Variants in PRKG1 observed in about 807,000 individuals in gnomAD.
The protein encoded by PRKG1 is protein kinase cGMP-dependent 1.
In PRKG1, 35 loss-of-function variants were observed where a neutral mutation model predicts 88.1. That is an observed-to-expected ratio of 0.40 (90% CI 0.30 to 0.53). The LOEUF is 0.53. Ranked by LOEUF, PRKG1 falls within the 20% of genes least tolerant of loss-of-function variation. The pLI, the probability that PRKG1 is intolerant of heterozygous loss-of-function variation, is 0.59. For missense variants in PRKG1, 540 were observed against 839.8 expected (o/e 0.64, Z 4.41); for synonymous variants, 303 against 292.5 (o/e 1.04, Z -0.37).
intron 5 of PRKG1, among the ~76,000 whole-genome samples, chr10:52,038,696 G>A (rs550606613): frequency 2.2e-4 from 33 of 152,206 alleles, no homozygotes; most frequent in African/African-American, 3.4e-4. Context: ...CAAGGCAGGC[G>A]TCCCTGCGTG....
chr10:51,618,804 T>G (rs887449894), intron 3 of PRKG1, among the ~76,000 whole-genome samples: 1 of 152,116 alleles, frequency 6.6e-6, no homozygotes, highest in Non-Finnish European at 1.5e-5. Flanking sequence ...AGTCTTGCTC[T>G]GTCACCCAGG....
intron 2 of PRKG1, among the ~76,000 whole-genome samples, chr10:51,196,707 G>A (rs1837776380): frequency 6.6e-6 from 1 of 152,186 alleles, no homozygotes; most frequent in African/African-American, 2.4e-5. Flanking sequence ...AACTTCAGGT[G>A]TGGATAGGTG....
intron 3 of PRKG1, among the ~76,000 whole-genome samples, chr10:51,719,174 G>A (rs1173971265): frequency 1.3e-5 from 2 of 151,542 alleles, no homozygotes; most frequent in Admixed American, 6.6e-5. Flanking sequence ...GAGAGAGAGG[G>A]AAATTCCAAG....
intron 3 of PRKG1, among the ~76,000 whole-genome samples, chr10:51,706,295 T>C (rs1841602227): frequency 6.6e-6 from 1 of 152,218 alleles, no homozygotes; most frequent in African/African-American, 2.4e-5. Context: ...GTACTCAAAC[T>C]CCTAACCTCA....
At chr10:51,240,523 T>G (rs1839123892) in intron 2 of PRKG1, among the ~76,000 whole-genome samples, 1 of 152,356 alleles carries the variant, frequency 6.6e-6, no homozygotes, top group African/African-American at 2.4e-5. Flanking sequence ...TTTTATATAT[T>G]TTTGTCTCAT....
In PRKG1 at chr10:52,016,907, G is replaced by A. The variant is rs112869100; in HGVS notation, c.763-37577G>A. Among the ~76,000 whole-genome samples the A allele has an allele frequency of 3.7e-3, 558 of 152,162 alleles. 1 individual carries two copies. The highest frequency in any genetic ancestry group is 0.013 in the African/African-American group (528 of 41,518). Reference sequence around the variant, plus strand: ...GGGAGGAGGGTATATTAACTAGGGCGGTCAGTCCTTCCTAAAGGGTTATTT... The same window carrying A: ...GGGAGGAGGGTATATTAACTAGGGCAGTCAGTCCTTCCTAAAGGGTTATTT... On this transcript the variant is annotated intron_variant, in intron 5 of 17. Transcript: ENST00000373980.
At chr10:51,673,011 T>C (rs991277819) in intron 3 of PRKG1, among the ~76,000 whole-genome samples, 1 of 152,178 alleles carries the variant, frequency 6.6e-6, no homozygotes, top group Non-Finnish European at 1.5e-5. Flanking sequence ...TCATTCACCA[T>C]GTGTCTATTA....
chr10:51,505,811 G>A (rs1841183233), intron 3 of PRKG1, among the ~76,000 whole-genome samples: 1 of 152,104 alleles, frequency 6.6e-6, no homozygotes, highest in South Asian at 2.1e-4. Flanking sequence ...GGGATCGGTA[G>A]TGATATCCCC....
chr10:51,136,246 T>G (rs1367311245), intron 1 of PRKG1, among the ~76,000 whole-genome samples: 1 of 151,928 alleles, frequency 6.6e-6, no homozygotes, highest in Non-Finnish European at 1.5e-5. Flanking sequence ...ATGTTCCCAG[T>G]TGAGGTTAAA....
intron 3 of PRKG1, among the ~76,000 whole-genome samples, chr10:51,710,307 A>T (rs1353548002): frequency 6.6e-6 from 1 of 152,220 alleles, no homozygotes; most frequent in African/African-American, 2.4e-5. Context: ...GTATATAGAA[A>T]ATGAAAATGT....
rs1351592803 is a variant in PRKG1 at position 51,644,220 on chromosome 10, G to A, written c.593-160365G>A. On this transcript the variant is annotated intron_variant, in intron 3 of 17. Transcript: ENST00000373980. ...TTTCTAACCTATCTCTGTAGTTTCT[G>A]TAAGTCGGAAGTTGGATCTAAACTC... is the stretch of plus-strand genomic sequence containing the variant. Among the ~76,000 whole-genome samples the A allele has an allele frequency of 2.8e-4, 43 of 152,090 alleles. 1 individual carries two copies. Among genetic ancestry groups the A allele is most frequent in the Admixed American group, 2.8e-3 (43 of 15,266 alleles).
At position 51,118,650 on chromosome 10, in the gene PRKG1, G is replaced by A. The variant is rs1302065047; in HGVS notation, c.312-34514G>A. Reference sequence around the variant, plus strand: ...TCAGTTTTTCGAATGAGTACTTCAAGTTTCAGGAAAGTAAAGAAACTTCCC... The same window carrying A: ...TCAGTTTTTCGAATGAGTACTTCAAATTTCAGGAAAGTAAAGAAACTTCCC... On this transcript the variant is annotated intron_variant, in intron 1 of 17. Coordinates refer to ENST00000373980, the MANE Select transcript of PRKG1 (RefSeq NM_006258.4). Among the ~76,000 whole-genome samples the A allele has an allele frequency of 3.3e-5, 5 of 152,102 alleles. No individual in the cohort carries two copies. In the East Asian group the frequency reaches 9.6e-4, roughly 29 times the overall value.
intron 3 of PRKG1, among the ~76,000 whole-genome samples, chr10:51,519,737 G>A (rs1841688603): frequency 6.6e-6 from 1 of 151,918 alleles, no homozygotes; most frequent in Admixed American, 6.6e-5. Flanking sequence ...CATTTATATA[G>A]GAACAGCAAA....
At chr10:51,961,397 A>G (rs1843445258) in intron 5 of PRKG1, among the ~76,000 whole-genome samples, 1 of 151,964 alleles carries the variant, frequency 6.6e-6, no homozygotes. Flanking sequence ...AAAAAAAAGA[A>G]TCTGCATTTA....
At chr10:52,044,102 A>G (rs1460838141) in intron 5 of PRKG1, among the ~76,000 whole-genome samples, 3 of 152,242 alleles carry the variant, frequency 2.0e-5, no homozygotes, top group Non-Finnish European at 4.4e-5. Flanking sequence ...TAACCACCAA[A>G]GACACAAAGA....
chr10:51,744,565 A>G (rs1384077672), intron 3 of PRKG1, among the ~76,000 whole-genome samples: 1 of 152,156 alleles, frequency 6.6e-6, no homozygotes, highest in Non-Finnish European at 1.5e-5. Flanking sequence ...AAGAATAGTG[A>G]TAGTTTTTTA....
intron 2 of PRKG1, among the ~76,000 whole-genome samples, chr10:51,341,904 G>A (rs1842011403): frequency 6.6e-6 from 1 of 152,250 alleles, no homozygotes; most frequent in East Asian, 1.9e-4. Flanking sequence ...ACTCCCATTT[G>A]TAAAACCATC....
chr10:51,784,070 GAA>G (rs1023304825), intron 3 of PRKG1, among the ~76,000 whole-genome samples: 12 of 152,028 alleles, frequency 7.9e-5, no homozygotes. Flanking sequence ...CTCCCCTTGT[GAA>G]AGGCCTTCCT....
intron 7 of PRKG1, among the ~76,000 whole-genome samples, chr10:52,102,336 C>T (rs1024045802): frequency 1.5e-4 from 23 of 152,034 alleles, no homozygotes; most frequent in South Asian, 1.0e-3. Flanking sequence ...GTTTAAGGCA[C>T]AAACATCACA....
Sources: allele counts gnomAD v4.1 joint callset (sites outside exome capture counted in the v4.1 genomes callset), GRCh38; gene constraint gnomAD v4.1.1; transcripts MANE v1.5; gene names NCBI Gene and HGNC (gene_info 2026-07-23, HGNC 2026-07-21).